The following TOX2 variants were observed in gnomAD, a reference collection of about 807,000 sequenced individuals.
TOX2 encodes TOX high mobility group box family member 2.
TOX2 carries 15 observed loss-of-function variants against 47.4 expected under a neutral mutation model. The ratio of observed to expected loss-of-function variants is 0.32; its 90% CI spans 0.21 to 0.49. The LOEUF is 0.49. Among genes scored for constraint, TOX2 ranks in the 20% least tolerant of loss-of-function variants. The probability of loss-of-function intolerance (pLI) is 0.99; values close to 1 mark genes in which losing one functional copy is unlikely to be tolerated. For missense variants in TOX2, 622 were observed against 673.1 expected, an observed-to-expected ratio of 0.92 and a Z score of 0.84; for synonymous variants, 290 against 296.6, an observed-to-expected ratio of 0.98 and a Z score of 0.23.
intron 4 of TOX2, among the ~76,000 whole-genome samples, chr20:44,051,811 G>C (rs1030304211): frequency 1.3e-5 from 2 of 152,350 alleles, no homozygotes; most frequent in African/African-American, 4.8e-5. Flanking sequence ...ACCTGGTCAG[G>C]GGGGATGGCA....
At position 43,994,207 on chromosome 20, in the gene TOX2, A is replaced by G. The variant is rs1473912905; in HGVS notation, c.166-12340A>G. On this transcript the variant is annotated intron_variant, in intron 2 of 8. Coordinates refer to ENST00000341197, the MANE Select transcript of TOX2 (RefSeq NM_001098797.2). Reference sequence around the variant, plus strand: ...CAGTTTGGCACGGTGGCTCATGCCTATACTCCCAGCACTTTGGGAGGCCAA... The same window carrying G: ...CAGTTTGGCACGGTGGCTCATGCCTGTACTCCCAGCACTTTGGGAGGCCAA... 2.6e-5 allele frequency among the ~76,000 whole-genome samples: 4 copies of G among 151,846 alleles called. No homozygotes were observed. The East Asian group carries it at 5.8e-4, about 22-fold the overall frequency.
chr20:44,051,160 C>G, intron 3 of TOX2, 146 bp from the exon 4 acceptor site: 3 of 1,271,718 alleles, frequency 2.4e-6, no homozygotes, highest in East Asian at 2.5e-5. Flanking sequence ...GAGGCTCCAT[C>G]TTGAGATTCA....
chr20:44,017,795 A>G (rs6073281), intron 3 of TOX2, among the ~76,000 whole-genome samples: 97,687 of 151,996 alleles, frequency 0.64, 31,898 homozygotes, highest in East Asian at 0.81. Flanking sequence ...ACAGAGGGGT[A>G]AATGACTTGG....
chr20:43,954,132 C>T (rs983866776), intron 1 of TOX2, among the ~76,000 whole-genome samples: 1 of 152,192 alleles, frequency 6.6e-6, no homozygotes, highest in Non-Finnish European at 1.5e-5. Context: ...GACCCCAAAT[C>T]ACGTCCTTGC....
At chr20:43,994,127 G>A (rs942253221) in intron 2 of TOX2, among the ~76,000 whole-genome samples, 3 of 151,860 alleles carry the variant, frequency 2.0e-5, no homozygotes, top group African/African-American at 7.3e-5. Context: ...CTCCAGCCTG[G>A]GCAACAGAGC....
In TOX2 at chr20:43,983,751, G is replaced by T. The variant is rs2070212226; in HGVS notation, c.165+10319G>T. Among the ~76,000 whole-genome samples the T allele has an allele frequency of 2.6e-5, 4 of 152,164 alleles. No homozygotes were observed. In the South Asian group the frequency reaches 8.3e-4, roughly 32 times the overall value. On this transcript the variant is annotated intron_variant, in intron 2 of 8. Coordinates refer to ENST00000341197, the MANE Select transcript of TOX2 (RefSeq NM_001098797.2). ...TTTGCCCTGCACCTCCTTAGGCTCA[G>T]GCTCAGGGGCTAAATGTTTTCCATG...
At chr20:44,053,611 TATACACACACACACACAC>T (rs1292270887) in intron 4 of TOX2, among the ~76,000 whole-genome samples, 53 of 145,342 alleles carry the variant, frequency 3.6e-4, no homozygotes, top group African/African-American at 1.4e-3. Context: ...TATATATACA[TATACACACACACACACAC>T]GTATATACAC....
chr20:43,973,418 C>T lies in TOX2; in HGVS notation c.151C>T (p.Leu51=), dbSNP rs751691339. The change falls in exon 2 of 9, where the codon CTG becomes TTG. Residue 51 remains leucine (L), a synonymous_variant. Coordinates refer to ENST00000341197, the MANE Select transcript of TOX2 (RefSeq NM_001098797.2). ...GATGAGTGACGGAAACCCAGAGCTC[C>T]TGTCAACCAGCCAGGTGGGTGCCTC... is the stretch of plus-strand genomic sequence containing the variant. ...VGMSDGNPEL[L]STSQTYNGQS... is the part of the protein sequence containing the mutation. 5.0e-6 allele frequency: 8 copies of T among 1,614,040 alleles called. No homozygotes were observed. Among genetic ancestry groups the T allele is most frequent in the South Asian group, 1.1e-5 (1 of 91,080 alleles).
chr20:44,050,060 G>A (rs1403343215), intron 3 of TOX2, among the ~76,000 whole-genome samples: 1 of 152,074 alleles, frequency 6.6e-6, no homozygotes, highest in Non-Finnish European at 1.5e-5. Flanking sequence ...AACAACTCTT[G>A]GATCAAAGAA....
Position 44,008,914 on chromosome 20 carries a change from A to G in TOX2, c.411+2122A>G, listed in dbSNP as rs566513311. 6.6e-5 allele frequency among the ~76,000 whole-genome samples: 10 copies of G among 152,356 alleles called. No homozygotes were observed. In the East Asian group the frequency reaches 1.9e-3, roughly 29 times the overall value. On this transcript the variant is annotated intron_variant, in intron 3 of 8. Transcript: ENST00000341197. Reference sequence around the variant, plus strand: ...CACAACAGGCTTGATGGCTGCTGGCAGCCAGCATCTTCCCTGACATCTCTG... The same window carrying G: ...CACAACAGGCTTGATGGCTGCTGGCGGCCAGCATCTTCCCTGACATCTCTG...
chr20:44,044,401 T>A (rs888011051), intron 3 of TOX2, among the ~76,000 whole-genome samples: 1 of 146,398 alleles, frequency 6.8e-6, no homozygotes. Flanking sequence ...GTTGTGCACA[T>A]GTACCCTAGA....
Position 44,068,817 on chromosome 20 carries a change from C to A in TOX2, c.*131C>A. On this transcript the variant is annotated 3_prime_UTR_variant, in exon 9 of 9. Transcript: ENST00000341197. ...AGAGAGCAGTGACACACCCATTGCC[C>A]GGGGGCTGAGTCTCTTCCTCAACCT... The A allele has an allele frequency of 7.9e-7, 1 of 1,265,514 alleles. No homozygotes were observed. The highest frequency in any genetic ancestry group is 1.1e-6 in the Non-Finnish European group (1 of 886,100). The allele number at this position is 1,265,514 out of a possible 1,614,324, so 78.4% of individuals were successfully genotyped here.
intron 3 of TOX2, among the ~76,000 whole-genome samples, chr20:44,034,917 C>T (rs944430861): frequency 6.6e-6 from 1 of 152,258 alleles, no homozygotes; most frequent in African/African-American, 2.4e-5. Context: ...CTTCACTCTG[C>T]TCAATCCTGC....
At chr20:44,033,244 A>AT (rs142265154) in intron 3 of TOX2, among the ~76,000 whole-genome samples, 1,950 of 150,810 alleles carry the variant, frequency 0.013, 42 homozygotes, top group African/African-American at 0.045. Flanking sequence ...TTTGTGCTAG[A>AT]TTTTTTTTTT....
At chr20:43,969,521 C>T (rs1434187797) in intron 1 of TOX2, among the ~76,000 whole-genome samples, 1 of 152,192 alleles carries the variant, frequency 6.6e-6, no homozygotes, top group African/African-American at 2.4e-5. Context: ...GGGGTAAGCC[C>T]CAGGCCTTAG....
At chr20:43,920,604 C>T (rs2069102950) in intron 1 of TOX2, among the ~76,000 whole-genome samples, 1 of 152,166 alleles carries the variant, frequency 6.6e-6, no homozygotes, top group Non-Finnish European at 1.5e-5. Context: ...GTGCTGGAGG[C>T]TCCTCCAGGA....
At chr20:44,039,250 A>G (rs2071293938) in intron 3 of TOX2, 1 of 1,289,330 alleles carries the variant, frequency 7.8e-7, no homozygotes, top group African/African-American at 1.5e-5. Flanking sequence ...AAGGAGGATG[A>G]CACAGAGGGC....
chr20:44,037,263 CTCT>C (rs1169299672), intron 3 of TOX2, among the ~76,000 whole-genome samples: 1 of 152,190 alleles, frequency 6.6e-6, no homozygotes, highest in African/African-American at 2.4e-5. Context: ...CATTTCTCAC[CTCT>C]TCTTAGCCCA....
At chr20:44,063,928 A>G (rs555347691) in intron 5 of TOX2, among the ~76,000 whole-genome samples, 2 of 152,314 alleles carry the variant, frequency 1.3e-5, no homozygotes, top group South Asian at 2.1e-4. Context: ...CAAACATTGT[A>G]TGTTCTCATA....
Sources: gnomAD v4.1 joint callset for allele counts (sites outside exome capture counted in the v4.1 genomes callset) on GRCh38, gnomAD v4.1.1 for gene constraint, MANE v1.5 for transcripts, NCBI Gene and HGNC (gene_info 2026-07-23, HGNC 2026-07-21) for gene names.